The following UST variants were observed in gnomAD, a reference collection of about 807,000 sequenced individuals.
The protein encoded by UST is chondroitin sulfate 2-O-sulfotransferase.
UST carries 21 observed loss-of-function variants against 45.6 expected under a neutral mutation model. The observed-to-expected ratio is 0.46, with a 90% CI of 0.33 to 0.66. UST has a LOEUF of 0.66. UST is among the 30% of genes least tolerant of loss of function. The probability of loss-of-function intolerance (pLI) is 0.02; values close to 1 mark genes in which losing one functional copy is unlikely to be tolerated. For missense variants in UST, 463 were observed against 512.4 expected (o/e 0.90, Z 0.93); for synonymous variants, 215 against 200.6 (o/e 1.07, Z -0.61).
intron 1 of UST, among the ~76,000 whole-genome samples, chr6:148,815,330 C>T (rs1777335131): frequency 6.6e-6 from 1 of 152,186 alleles, no homozygotes; most frequent in African/African-American, 2.4e-5. Context: ...GGATGCTGTT[C>T]ACTGTACAGC....
intron 5 of UST, among the ~76,000 whole-genome samples, chr6:149,005,910 G>C (rs139358446): frequency 6.6e-6 from 1 of 152,200 alleles, no homozygotes; most frequent in Admixed American, 6.5e-5. Flanking sequence ...CCAGGACAGC[G>C]GCAGATTTGA....
chr6:148,862,071 G>T (rs2114801614), intron 1 of UST, among the ~76,000 whole-genome samples: 1 of 151,980 alleles, frequency 6.6e-6, no homozygotes, highest in African/African-American at 2.4e-5. Flanking sequence ...TCTGTCTCAT[G>T]GATCTGTCTA....
chr6:148,906,613 A>C (rs1046010035), intron 2 of UST, among the ~76,000 whole-genome samples: 1 of 152,180 alleles, frequency 6.6e-6, no homozygotes, highest in Non-Finnish European at 1.5e-5. Context: ...TTGTCATGAA[A>C]GGTGATAGTA....
chr6:148,811,125 C>T (rs759052721), intron 1 of UST, among the ~76,000 whole-genome samples: 5 of 152,200 alleles, frequency 3.3e-5, no homozygotes, highest in Non-Finnish European at 5.9e-5. Context: ...AAGGATACAT[C>T]GATTATTGCT....
chr6:148,949,652 A>G (rs1389316347), intron 3 of UST, among the ~76,000 whole-genome samples: 1 of 152,132 alleles, frequency 6.6e-6, no homozygotes, highest in Admixed American at 6.5e-5. Flanking sequence ...TTCTGTCTTC[A>G]GTTAACTATA....
At chr6:148,909,638 G>A (rs923779599) in intron 2 of UST, among the ~76,000 whole-genome samples, 2 of 152,156 alleles carry the variant, frequency 1.3e-5, no homozygotes, top group South Asian at 2.1e-4. Context: ...TTCATGCATC[G>A]TTGTTTAACG....
At chr6:148,899,092 C>CTTTTTTTTTTTTTT (rs3075093) in intron 2 of UST, among the ~76,000 whole-genome samples, 1 of 65,580 alleles carries the variant, frequency 1.5e-5, no homozygotes. Flanking sequence ...CTACCTAATC[C>CTTTTTTTTTTTTTT]TTTTTTTTTT....
chr6:148,853,836 C>A (rs1778151907), intron 1 of UST, among the ~76,000 whole-genome samples: 1 of 151,978 alleles, frequency 6.6e-6, no homozygotes, highest in Non-Finnish European at 1.5e-5. Context: ...GCCATTTGTT[C>A]TTCAACAGGG....
intron 5 of UST, among the ~76,000 whole-genome samples, chr6:148,978,427 G>T (rs1781065426): frequency 6.6e-6 from 1 of 152,118 alleles, no homozygotes; most frequent in South Asian, 2.1e-4. Flanking sequence ...TAACCCAAAT[G>T]CCCATCAGTG....
intron 5 of UST, among the ~76,000 whole-genome samples, chr6:149,016,146 C>T (rs933157028): frequency 5.3e-5 from 8 of 152,174 alleles, no homozygotes; most frequent in Admixed American, 2.0e-4. Context: ...TGATGAATGC[C>T]GTTCATCAAC....
intron 1 of UST, among the ~76,000 whole-genome samples, chr6:148,785,972 A>G (rs1182916326): frequency 1.3e-5 from 2 of 152,194 alleles, no homozygotes; most frequent in African/African-American, 4.8e-5. Flanking sequence ...GAAAACAAGA[A>G]TTATTTTATT....
At chr6:148,918,158 T>G (rs1223416041) in intron 2 of UST, among the ~76,000 whole-genome samples, 1 of 152,200 alleles carries the variant, frequency 6.6e-6, no homozygotes, top group Admixed American at 6.5e-5. Context: ...AAAACCCCAC[T>G]GCTTTATGAA....
intron 4 of UST, 54 bp downstream of exon 4, chr6:148,954,005 C>A: frequency 7.2e-7 from 1 of 1,386,538 alleles, no homozygotes; most frequent in Non-Finnish European, 1.0e-6. Context: ...TGAACAGTTA[C>A]TTTAGAAATC....
intron 1 of UST, among the ~76,000 whole-genome samples, chr6:148,833,760 T>A (rs1777734337): frequency 6.6e-6 from 1 of 152,028 alleles, no homozygotes; most frequent in South Asian, 2.1e-4. Context: ...AGAAGCAGAG[T>A]GATTAAAATT....
At chr6:149,003,430 G>C (rs576221697) in intron 5 of UST, among the ~76,000 whole-genome samples, 16 of 141,846 alleles carry the variant, frequency 1.1e-4, no homozygotes, top group Non-Finnish European at 2.1e-4. Context: ...TGTCCAATTT[G>C]GTAAAAAACA....
chr6:148,870,138 A>ACACACACACACT (rs1778521103), intron 1 of UST, among the ~76,000 whole-genome samples: 1 of 150,334 alleles, frequency 6.7e-6, no homozygotes, highest in African/African-American at 2.4e-5. Flanking sequence ...ACACACACAC[A>ACACACACACACT]CACAGTGGCA....
At chr6:149,038,888 G>T (rs1776272832) in intron 7 of UST, among the ~76,000 whole-genome samples, 1 of 152,162 alleles carries the variant, frequency 6.6e-6, no homozygotes, top group Non-Finnish European at 1.5e-5. Flanking sequence ...ATATAGTGAG[G>T]CGGTTGGAGT....
intron 7 of UST, among the ~76,000 whole-genome samples, chr6:149,030,109 A>AT (rs539590036): frequency 4.6e-5 from 7 of 151,558 alleles, no homozygotes; most frequent in Admixed American, 6.6e-5. Flanking sequence ...GAGGAAGACA[A>AT]TTTTTTTTTC....
At chr6:149,026,330 A>T (rs62426150) in intron 7 of UST, among the ~76,000 whole-genome samples, 36,393 of 151,980 alleles carry the variant, frequency 0.24, 4,436 homozygotes, top group Admixed American at 0.27. Context: ...AATAAAATAA[A>T]AGTAAAAATG....
Sources: gnomAD v4.1 joint callset for allele counts (sites outside exome capture counted in the v4.1 genomes callset) on GRCh38, gnomAD v4.1.1 for gene constraint, MANE v1.5 for transcripts, NCBI Gene and HGNC (gene_info 2026-07-23, HGNC 2026-07-21) for gene names.